COL4A3: variants seen among roughly 807,000 people sequenced by gnomAD.
COL4A3 encodes collagen type IV alpha 3 chain, also known as collagen alpha-3(IV) chain.
In COL4A3, 135 loss-of-function variants were observed where a neutral mutation model predicts 217.4. That is an observed-to-expected ratio of 0.62 (90% CI 0.54 to 0.72). The LOEUF is 0.72. Among genes scored for constraint, COL4A3 ranks in the 30% least tolerant of loss-of-function variants. The pLI is 0.00. For synonymous variants in COL4A3, 690 were observed against 736.3 expected (o/e 0.94, Z 1.02); for missense variants, 1,868 against 2,119.9 (o/e 0.88, Z 2.33).
chr2:227,238,933 G>C (rs4675156), intron 2 of COL4A3, among the ~76,000 whole-genome samples: 130,234 of 151,942 alleles, frequency 0.86, 55,997 homozygotes, highest in Admixed American at 0.9. Flanking sequence ...AGATGCTACT[G>C]TAGGGTGTAT....
At position 227,250,815 on chromosome 2, in the gene COL4A3, T is replaced by C. The variant is rs2069697420; in HGVS notation, c.547-325T>C. 6.6e-6 allele frequency among the ~76,000 whole-genome samples: 1 copy of C among 151,902 alleles called. No individual in the cohort carries two copies. The highest frequency in any genetic ancestry group is 2.4e-5 in the African/African-American group (1 of 41,352). ...GGAGAGCAGGTGGCAGGCCCTAACGTAGGAGCATGCTTGGCCAAAATGAGA... is the reference window on the plus strand; with the variant it reads ...GGAGAGCAGGTGGCAGGCCCTAACGCAGGAGCATGCTTGGCCAAAATGAGA... On this transcript the variant is annotated intron_variant, in intron 9 of 51. Transcript: ENST00000396578. This position sits in a 1 kb window ranked among gnomAD's most constrained non-coding sequence, Gnocchi z 4.1.
chr2:227,164,790 G>C lies in COL4A3; in HGVS notation c.64G>C (p.Ala22Pro). The change falls in exon 1 of 52, where the codon GCG becomes CCG. Residue 22 changes from alanine (A) to proline (P), a missense_variant. Transcript: ENST00000396578. The surrounding 1 kb of genome is among the most constrained non-coding windows in gnomAD (Gnocchi z 4.8). ...GCTGCCGCTCCTGCTGGTGCTCCTG[G>C]CGGCGGCGCCCGCAGCCAGCAAGGT... ...LLLPLLLVLL[A>P]AAPAASKGCV... 2 of 1,519,970 alleles carry C rather than the reference G, an allele frequency of 1.3e-6. No homozygotes were observed. Among genetic ancestry groups the C allele is most frequent in the Non-Finnish European group, 1.8e-6 (2 of 1,140,876 alleles). 94.2% of individuals were successfully genotyped at this position (1,519,970 alleles called of 1,614,324 possible).
rs1447825218 is a variant in COL4A3, at chr2:227,298,806, T to C, written c.3876T>C (p.Gly1292=). 6.2e-7 allele frequency: 1 copy of C among 1,613,702 alleles called. No individual in the cohort carries two copies. The highest frequency in any genetic ancestry group is 1.7e-5 in the Admixed American group (1 of 60,020). ...PGTAGDMGPP[G]RLGAPGTPGL... ...CTGCAGGAGACATGGGACCACCAGGTCGTCTGGTGAGTATGGATAATTATT... is the reference window on the plus strand; with the variant it reads ...CTGCAGGAGACATGGGACCACCAGGCCGTCTGGTGAGTATGGATAATTATT... The change falls in exon 43 of 52, where the codon GGT becomes GGC. Residue 1292 remains glycine (G), a synonymous_variant. Coordinates refer to ENST00000396578, the MANE Select transcript of COL4A3 (RefSeq NM_000091.5).
At chr2:227,276,603 G>A (rs2071581315) in intron 27 of COL4A3, 126 bp downstream of exon 27, 3 of 762,644 alleles carry the variant, frequency 3.9e-6, no homozygotes, top group South Asian at 2.9e-5. Flanking sequence ...GAGAGCACAG[G>A]GCAGTGTCTT....
At chr2:227,177,148 T>C (rs986507262) in intron 1 of COL4A3, among the ~76,000 whole-genome samples, 8 of 126,586 alleles carry the variant, frequency 6.3e-5, no homozygotes, top group Non-Finnish European at 3.3e-5. Context: ...TTTTCTTTCC[T>C]TTTTTTTTTT....
At chr2:227,297,978 C>A in intron 42 of COL4A3, 119 bp downstream of exon 42, 2 of 1,129,632 alleles carry the variant, frequency 1.8e-6, no homozygotes, top group Non-Finnish European at 2.6e-6. Context: ...CATCTCCATT[C>A]CCCCACTACC....
intron 26 of COL4A3, 131 bp from the exon 27 acceptor site, chr2:227,276,254 T>C (rs2071553557): frequency 1.4e-6 from 1 of 725,366 alleles, no homozygotes; most frequent in African/African-American, 1.8e-5. Context: ...AGTTTTGAAG[T>C]CTGTGAAAAC....
At chr2:227,212,417 T>G (rs1391653544) in intron 1 of COL4A3, among the ~76,000 whole-genome samples, 1 of 152,236 alleles carries the variant, frequency 6.6e-6, no homozygotes, top group Non-Finnish European at 1.5e-5. Flanking sequence ...GCTTTTCCAT[T>G]TGAGTCCTTA....
intron 1 of COL4A3, among the ~76,000 whole-genome samples, chr2:227,180,402 G>C (rs148411355): frequency 6.6e-6 from 1 of 152,154 alleles, no homozygotes. Flanking sequence ...CCACGAAACC[G>C]TTCAGAGCTT....
chr2:227,222,210 A>G (rs2067847088), intron 1 of COL4A3, among the ~76,000 whole-genome samples: 1 of 151,440 alleles, frequency 6.6e-6, no homozygotes, highest in Non-Finnish European at 1.5e-5. Flanking sequence ...GACATACAAT[A>G]CCCAATCTTG....
chr2:227,240,382 C>A, intron 3 of COL4A3, 150 bp downstream of exon 3: 2 of 723,214 alleles, frequency 2.8e-6, no homozygotes, highest in Non-Finnish European at 4.9e-6. Context: ...TAGTGGGCCA[C>A]ATAGAACCGC....
chr2:227,213,242 A>G (rs1203739277), intron 1 of COL4A3, among the ~76,000 whole-genome samples: 1 of 152,192 alleles, frequency 6.6e-6, no homozygotes, highest in Non-Finnish European at 1.5e-5. Context: ...AAGAGTGTGG[A>G]GATCCAGAGA....
rs760798559 is a variant in COL4A3 at position 227,240,195 on chromosome 2, C to T, written c.197C>T (p.Thr66Ile). 6 of 1,612,046 alleles carry T rather than the reference C, an allele frequency of 3.7e-6. No individual in the cohort carries two copies. Among genetic ancestry groups the T allele is most frequent in the Admixed American group, 1.7e-5 (1 of 59,794 alleles). Reference protein sequence around the residue: ...PPGSPGQKGFTGPEGLPGPQG... With the variant: ...PPGSPGQKGFIGPEGLPGPQG... Reference sequence around the variant, plus strand: ...GGTTCTCCTGGCCAGAAAGGATTCACAGGTCCTGAAGGCTTGCCTGGACCG... The same window carrying T: ...GGTTCTCCTGGCCAGAAAGGATTCATAGGTCCTGAAGGCTTGCCTGGACCG... The change falls in exon 3 of 52, where the codon ACA becomes ATA. Residue 66 changes from threonine to isoleucine, a missense_variant. By Grantham distance (89) the Thr-to-Ile change is moderately conservative. Transcript: ENST00000396578.
intron 20 of COL4A3, among the ~76,000 whole-genome samples, chr2:227,263,143 C>G (rs2070694166): frequency 6.6e-6 from 1 of 152,126 alleles, no homozygotes; most frequent in Non-Finnish European, 1.5e-5. Context: ...AAGATTTTAT[C>G]TTTGTGTTCA....
At chr2:227,276,522 C>T (rs2071576109) in intron 27 of COL4A3, 45 bp downstream of exon 27, 1 of 1,362,162 alleles carries the variant, frequency 7.3e-7, no homozygotes, top group Non-Finnish European at 1.1e-6. Context: ...CAGACACACA[C>T]AACACCCTGA....
rs934611087 is a variant in COL4A3 at position 227,312,286 on chromosome 2, C to T, written c.*416C>T. 2.0e-5 allele frequency: 5 copies of T among 248,030 alleles called. No homozygotes were observed. Among genetic ancestry groups the T allele is most frequent in the Non-Finnish European group, 3.2e-5 (4 of 125,712 alleles). The allele number at this position is 248,030 out of a possible 1,614,324, so 15.4% of individuals were successfully genotyped here. On this transcript the variant is annotated 3_prime_UTR_variant, in exon 52 of 52. Transcript: ENST00000396578. ...GTGTTTGATTGCCCCGCCAACCCTT[C>T]CTGAAACTTCAGACCCTGGGTAGGG...
intron 1 of COL4A3, among the ~76,000 whole-genome samples, chr2:227,181,780 A>T (rs1393107967): frequency 6.6e-6 from 1 of 152,182 alleles, no homozygotes; most frequent in African/African-American, 2.4e-5. Context: ...TGTTTTTAAC[A>T]AGGCTATGAT....
At chr2:227,239,153 G>A (rs1406253575) in intron 2 of COL4A3, among the ~76,000 whole-genome samples, 1 of 152,090 alleles carries the variant, frequency 6.6e-6, no homozygotes, top group Non-Finnish European at 1.5e-5. Flanking sequence ...CACGGTTTCT[G>A]AATCCTCAGA....
chr2:227,210,936 G>T (rs2067295180), intron 1 of COL4A3, among the ~76,000 whole-genome samples: 1 of 152,068 alleles, frequency 6.6e-6, no homozygotes, highest in Non-Finnish European at 1.5e-5. Flanking sequence ...TACTTTTTCA[G>T]TGTACGTGTG....
Sources: allele counts gnomAD v4.1 joint callset (sites outside exome capture counted in the v4.1 genomes callset), GRCh38; gene constraint gnomAD v4.1.1; non-coding constraint Gnocchi (gnomAD v3.1); transcripts MANE v1.5; gene names NCBI Gene and HGNC (gene_info 2026-07-23, HGNC 2026-07-21).